Variants in NRXN3 observed in about 807,000 individuals in gnomAD.
NRXN3 encodes neurexin 3.
In NRXN3, 32 loss-of-function variants were observed where a neutral mutation model predicts 137.6. The observed-to-expected ratio is 0.23, with a 90% CI of 0.18 to 0.31. NRXN3 has a LOEUF of 0.31. Ranked by LOEUF, NRXN3 falls within the 10% of genes least tolerant of loss-of-function variation. The pLI, the probability that NRXN3 is intolerant of heterozygous loss-of-function variation, is 1.00. For missense variants in NRXN3, 1,574 were observed against 2,062.5 expected (o/e 0.76, Z 4.59); for synonymous variants, 798 against 784.5 (o/e 1.02, Z -0.29).
At chr14:78,357,733 A>G (rs1209909196) in intron 4 of NRXN3, among the ~76,000 whole-genome samples, 2 of 152,174 alleles carry the variant, frequency 1.3e-5, no homozygotes, top group Admixed American at 1.3e-4. Flanking sequence ...TGTTTTTACC[A>G]AAGGGCTTAA....
chr14:79,314,857 G>C (rs1472273307), intron 15 of NRXN3, among the ~76,000 whole-genome samples: 1 of 150,770 alleles, frequency 6.6e-6, no homozygotes, highest in East Asian at 2.0e-4. Flanking sequence ...TGAGGGTCCT[G>C]TCTGTTAGAA....
chr14:79,768,067 G>C (rs1450993888), intron 19 of NRXN3, among the ~76,000 whole-genome samples: 1 of 152,200 alleles, frequency 6.6e-6, no homozygotes, highest in African/African-American at 2.4e-5. Flanking sequence ...TTTCCGACGG[G>C]CTTAAAAAAT....
intron 15 of NRXN3, among the ~76,000 whole-genome samples, chr14:79,428,175 C>G (rs1297196436): frequency 2.6e-5 from 4 of 152,136 alleles, no homozygotes; most frequent in Non-Finnish European, 4.4e-5. Context: ...CCCATCTAAC[C>G]TTGATTAAAG....
chr14:78,772,907 C>T (rs61992225), intron 8 of NRXN3, among the ~76,000 whole-genome samples: 216 of 152,282 alleles, frequency 1.4e-3, no homozygotes, highest in Non-Finnish European at 2.3e-3. Flanking sequence ...CATTCTAACT[C>T]GGAGGAAGTT....
At chr14:78,679,038 C>T (rs779371184) in intron 6 of NRXN3, among the ~76,000 whole-genome samples, 4 of 152,016 alleles carry the variant, frequency 2.6e-5, no homozygotes, top group African/African-American at 4.8e-5. Flanking sequence ...CTCCTTCAGA[C>T]GATAAAGCAA....
chr14:78,856,928 T>G (rs975088962), intron 10 of NRXN3, among the ~76,000 whole-genome samples: 1 of 152,198 alleles, frequency 6.6e-6, no homozygotes, highest in Non-Finnish European at 1.5e-5. Context: ...AAACATGGTT[T>G]CACCATGTTG....
intron 19 of NRXN3, among the ~76,000 whole-genome samples, chr14:79,783,605 C>G (rs890424828): frequency 6.6e-6 from 1 of 152,118 alleles, no homozygotes; most frequent in African/African-American, 2.4e-5. Context: ...AAATAAAATC[C>G]TTTCGTCTGG....
chr14:78,668,292 T>C (rs1467261825), intron 6 of NRXN3, among the ~76,000 whole-genome samples: 1 of 152,212 alleles, frequency 6.6e-6, no homozygotes, highest in East Asian at 1.9e-4. Context: ...CTTTAAATGA[T>C]TGATTTAATG....
intron 15 of NRXN3, among the ~76,000 whole-genome samples, chr14:79,329,815 T>C (rs1369964356): frequency 6.6e-6 from 1 of 151,894 alleles, no homozygotes; most frequent in African/African-American, 2.4e-5. Flanking sequence ...CTGATGGCTT[T>C]AGCTACTGAA....
intron 7 of NRXN3, 23 bp downstream of exon 7, chr14:78,709,678 A>T (rs71414707): frequency 0.037 from 58,961 of 1,591,494 alleles, 1,322 homozygotes; most frequent in Middle Eastern, 0.056. Flanking sequence ...AGGATGTGTG[A>T]CTGAGACTAG....
chr14:78,703,255 G>A (rs1286115015), intron 6 of NRXN3, among the ~76,000 whole-genome samples: 1 of 152,224 alleles, frequency 6.6e-6, no homozygotes, highest in Non-Finnish European at 1.5e-5. Context: ...AGAGTTTTAA[G>A]TGATGAGTGA....
chr14:79,113,735 C>T (rs1323473737), intron 15 of NRXN3, among the ~76,000 whole-genome samples: 1 of 152,118 alleles, frequency 6.6e-6, no homozygotes, highest in East Asian at 1.9e-4. Flanking sequence ...TTTTTGTGTA[C>T]TTATCTTTGA....
chr14:79,173,530 C>CAAA lies in NRXN3; in HGVS notation c.3262+185410_3262+185412dup, dbSNP rs57188919. 6.2e-3 allele frequency among the ~76,000 whole-genome samples: 563 copies of CAAA among 90,848 alleles called. 19 individuals are homozygous for CAAA. In the East Asian group the frequency reaches 0.08, roughly 13 times the overall value. The allele number at this position is 90,848 out of a possible 152,430, so 59.6% of individuals were successfully genotyped here. On this transcript the variant is annotated intron_variant, in intron 15 of 20. Transcript: ENST00000335750. Reference sequence around the variant, plus strand: ...TAGGTGACAGAGCAAGACCTTGTCTCAAAAAAAAAAAAAAAAAAAAAAATT... The same window carrying CAAA: ...TAGGTGACAGAGCAAGACCTTGTCTCAAAAAAAAAAAAAAAAAAAAAAAAAATT...
chr14:79,054,880 A>G (rs1431357368), intron 15 of NRXN3, among the ~76,000 whole-genome samples: 4 of 152,206 alleles, frequency 2.6e-5, no homozygotes, highest in Non-Finnish European at 4.4e-5. Flanking sequence ...AATAGAAGAG[A>G]AAATATAGTA....
intron 8 of NRXN3, among the ~76,000 whole-genome samples, chr14:78,755,076 A>G (rs2098661658): frequency 6.6e-6 from 1 of 152,118 alleles, no homozygotes; most frequent in South Asian, 2.1e-4. Context: ...GCCCAGGCTA[A>G]AGTGAAGTGG....
intron 4 of NRXN3, among the ~76,000 whole-genome samples, chr14:78,309,683 A>G (rs192955149): frequency 8.8e-4 from 134 of 152,284 alleles, no homozygotes; most frequent in Non-Finnish European, 1.3e-3. Context: ...GTACATTTCA[A>G]AGTTACCAAA....
intron 15 of NRXN3, among the ~76,000 whole-genome samples, chr14:79,044,737 T>C (rs1304403938): frequency 6.6e-6 from 1 of 151,700 alleles, no homozygotes; most frequent in Non-Finnish European, 1.5e-5. Flanking sequence ...ATACCACACA[T>C]ATGTACAACC....
chr14:79,433,701 T>G (rs1308839535), intron 15 of NRXN3, among the ~76,000 whole-genome samples: 3 of 152,196 alleles, frequency 2.0e-5, no homozygotes, highest in African/African-American at 7.2e-5. Flanking sequence ...AAATAAGATT[T>G]TAATACCTGG....
At position 78,788,388 on chromosome 14, in the gene NRXN3, CCTT is replaced by C. The variant is rs1015798452; in HGVS notation, c.2045-15227_2045-15225del. The stretch of plus-strand genomic sequence containing the variant: ...GGATCCATTTCCAATCTTTCTCCAC[CCTT>C]CTTCATTCAGTTTTGCACCTTGGAA... On this transcript the variant is annotated intron_variant, in intron 8 of 20. Transcript: ENST00000335750. Among the ~76,000 whole-genome samples the C allele has an allele frequency of 3.5e-4, 54 of 152,140 alleles. 1 individual carries two copies. The highest frequency in any genetic ancestry group is 1.3e-3 in the African/African-American group (53 of 41,402).
Sources: allele counts gnomAD v4.1 joint callset (sites outside exome capture counted in the v4.1 genomes callset), GRCh38; gene constraint gnomAD v4.1.1; transcripts MANE v1.5; gene names NCBI Gene and HGNC (gene_info 2026-07-23, HGNC 2026-07-21).